The following TSNAX variants were observed in gnomAD, a reference collection of about 807,000 sequenced individuals.
TSNAX encodes translin associated factor X.
TSNAX carries 12 observed loss-of-function variants against 33.0 expected under a neutral mutation model. The ratio of observed to expected loss-of-function variants is 0.36; its 90% CI spans 0.23 to 0.59. TSNAX has a LOEUF of 0.59. Among genes scored for constraint, TSNAX ranks in the 20% least tolerant of loss-of-function variants. The pLI is 0.74. For synonymous variants in TSNAX, 110 were observed against 117.2 expected (o/e 0.94, Z 0.40); for missense variants, 267 against 341.3 (o/e 0.78, Z 1.72).
chr1:231,552,723 A>G (rs374590508), intron 4 of TSNAX, among the ~76,000 whole-genome samples: 169 of 152,216 alleles, frequency 1.1e-3, no homozygotes, highest in African/African-American at 3.9e-3. Context: ...CCTCCTACCT[A>G]TTAGCGGTCA....
chr1:231,537,235 A>G lies in TSNAX; in HGVS notation c.144A>G (p.Ala48=), dbSNP rs748116635. The G allele has an allele frequency of 1.2e-6, 2 of 1,612,610 alleles. No individual in the cohort carries two copies. Among genetic ancestry groups the G allele is most frequent in the South Asian group, 2.2e-5 (2 of 90,804 alleles). The stretch of plus-strand genomic sequence containing the variant: ...TAGCATTTCAGCAGGAACTTGATGC[A>G]AGGCATGACAAATATGAGAGACTTG... ...AFKSFQQELD[A]RHDKYERLVK... Residue 48 remains alanine, a synonymous_variant, in exon 3 of 6, where the codon GCA becomes GCG. Transcript: ENST00000366639.
At chr1:231,551,907 G>T (rs935487413) in intron 4 of TSNAX, among the ~76,000 whole-genome samples, 1 of 152,052 alleles carries the variant, frequency 6.6e-6, no homozygotes, top group African/African-American at 2.4e-5. Flanking sequence ...CATGAGGATC[G>T]CTTGAGCCAA....
chr1:231,550,757 G>T (rs1660245587), intron 4 of TSNAX, among the ~76,000 whole-genome samples: 1 of 152,188 alleles, frequency 6.6e-6, no homozygotes, highest in Admixed American at 6.5e-5. Context: ...AGAGACTAAA[G>T]GAATGGTTGG....
intron 4 of TSNAX, among the ~76,000 whole-genome samples, chr1:231,559,239 TAAG>T (rs561755659): frequency 2.0e-5 from 3 of 152,070 alleles, no homozygotes; most frequent in South Asian, 2.1e-4. Context: ...CAATAATAAT[TAAG>T]AAATGCTTTT....
chr1:231,554,461 CCCT>C (rs1372066752), intron 4 of TSNAX, among the ~76,000 whole-genome samples: 2 of 152,138 alleles, frequency 1.3e-5, no homozygotes, highest in South Asian at 4.1e-4. Context: ...ATTGTCCCCA[CCCT>C]CAGAGTTCTA....
At chr1:231,555,911 T>G (rs772019492) in intron 4 of TSNAX, among the ~76,000 whole-genome samples, 1 of 152,112 alleles carries the variant, frequency 6.6e-6, no homozygotes, top group Non-Finnish European at 1.5e-5. Flanking sequence ...GGAGCTAAGT[T>G]GAGGGGAGGA....
At chr1:231,561,870 C>CA (rs1240421410) in intron 5 of TSNAX, among the ~76,000 whole-genome samples, 2 of 152,132 alleles carry the variant, frequency 1.3e-5, no homozygotes, top group Non-Finnish European at 2.9e-5. Context: ...ACATTATATA[C>CA]AGCACCTGAC....
In TSNAX at chr1:231,529,352, C is replaced by T. The variant is rs1243875099; in HGVS notation, c.114C>T (p.Ala38=). 1.2e-6 allele frequency: 2 copies of T among 1,613,958 alleles called. No individual in the cohort carries two copies. The highest frequency in any genetic ancestry group is 2.2e-5 in the East Asian group (1 of 44,886). ...ATTCATCTTCACCCGTGATGTTGGCCTTTAAATGTAAGTTCTCTGCAATGT... is the reference window on the plus strand; with the variant it reads ...ATTCATCTTCACCCGTGATGTTGGCTTTTAAATGTAAGTTCTCTGCAATGT... ...DVNSSSPVML[A]FKSFQQELDA... is the part of the protein sequence containing the mutation. Residue 38 remains alanine, a synonymous_variant, in exon 2 of 6, where the codon GCC becomes GCT. Transcript: ENST00000366639.
rs549955935 is a variant in TSNAX, at chr1:231,537,130, A to G, written c.122-83A>G. 70 of 1,044,254 alleles carry G rather than the reference A, an allele frequency of 6.7e-5. No individual in the cohort carries two copies. In the African/African-American group the frequency reaches 1.0e-3, roughly 15 times the overall value. 64.7% of individuals were successfully genotyped at this position (1,044,254 alleles called of 1,614,324 possible). A position where few individuals can be genotyped will look rare whatever the true frequency, so the allele number is the denominator to read the frequency against. ...ACAGGCGTGAGCCACCGCACCCAGCATATGTGACGTACATCTTAAAAATAT... is the reference window on the plus strand; with the variant it reads ...ACAGGCGTGAGCCACCGCACCCAGCGTATGTGACGTACATCTTAAAAATAT... On this transcript the variant is annotated intron_variant, in intron 2 of 5. Transcript: ENST00000366639.
chr1:231,534,344 A>T (rs1659008554), intron 2 of TSNAX: 2 of 152,194 alleles, frequency 1.3e-5, no homozygotes, highest in African/African-American at 4.8e-5. Flanking sequence ...TATTTTAGAA[A>T]TGTCACTCTG....
chr1:231,551,798 TAAAAAA>T (rs750366346), intron 4 of TSNAX, among the ~76,000 whole-genome samples: 1 of 77,728 alleles, frequency 1.3e-5, no homozygotes, highest in Middle Eastern at 8.9e-3. Context: ...TACAAAAAAG[TAAAAAA>T]AAAAAAAAAA....
At chr1:231,537,959 C>T (rs1659292536) in intron 3 of TSNAX, among the ~76,000 whole-genome samples, 1 of 152,106 alleles carries the variant, frequency 6.6e-6, no homozygotes, top group African/African-American at 2.4e-5. Context: ...TTAAAATCTG[C>T]ATAACCTATT....
At chr1:231,558,613 G>A (rs1040940595) in intron 4 of TSNAX, among the ~76,000 whole-genome samples, 2 of 152,034 alleles carry the variant, frequency 1.3e-5, no homozygotes, top group African/African-American at 2.4e-5. Context: ...CCACATTAGA[G>A]CATGGAGATG....
intron 2 of TSNAX, among the ~76,000 whole-genome samples, chr1:231,532,377 G>A (rs1317657650): frequency 2.0e-5 from 3 of 151,684 alleles, no homozygotes; most frequent in Admixed American, 2.0e-4. Flanking sequence ...TTTTTTTGTA[G>A]AGGCAGGGTC....
At chr1:231,534,878 A>G (rs1460425910) in intron 2 of TSNAX, 2 of 152,218 alleles carry the variant, frequency 1.3e-5, no homozygotes, top group Non-Finnish European at 1.5e-5. Context: ...TAAATAATAT[A>G]ATTTTAGCTA....
In TSNAX at chr1:231,545,045, G is replaced by A. The variant is rs899788377; in HGVS notation, c.367+2434G>A. Among the ~76,000 whole-genome samples the A allele has an allele frequency of 2.0e-5, 3 of 151,740 alleles. No homozygotes were observed. In the Admixed American group the frequency reaches 2.0e-4, roughly 10 times the overall value. On this transcript the variant is annotated intron_variant, in intron 4 of 5. Coordinates refer to ENST00000366639, the MANE Select transcript of TSNAX (RefSeq NM_005999.3). ...TTTCTGTAAAAAGTCTTTAAAATGA[G>A]ATTCTTTGAATTGAAGCAATAAAGA...
intron 4 of TSNAX, among the ~76,000 whole-genome samples, chr1:231,551,455 A>C (rs1040413843): frequency 8.5e-5 from 13 of 152,362 alleles, no homozygotes; most frequent in African/African-American, 2.6e-4. Flanking sequence ...TGAGAACATT[A>C]ATAGCTACCT....
At chr1:231,561,323 T>C (rs1159434655) in intron 5 of TSNAX, 68 bp downstream of exon 5, 1 of 1,237,114 alleles carries the variant, frequency 8.1e-7, no homozygotes, top group African/African-American at 1.6e-5. Flanking sequence ...TTCTAGTAGA[T>C]TTACTGGCTT....
intron 4 of TSNAX, among the ~76,000 whole-genome samples, chr1:231,559,988 T>A (rs11122307): frequency 0.21 from 30,995 of 145,828 alleles, 3,377 homozygotes; most frequent in Admixed American, 0.26. Flanking sequence ...TATTATTATT[T>A]TTTTTTTTTT....
Sources: gnomAD v4.1 joint callset for allele counts (sites outside exome capture counted in the v4.1 genomes callset) on GRCh38, gnomAD v4.1.1 for gene constraint, MANE v1.5 for transcripts, NCBI Gene and HGNC (gene_info 2026-07-23, HGNC 2026-07-21) for gene names.